The following ATP8A2 variants were observed in gnomAD, a reference collection of about 807,000 sequenced individuals.
ATP8A2 encodes the protein ATPase phospholipid transporting 8A2.
ATP8A2 carries 100 observed loss-of-function variants against 165.6 expected under a neutral mutation model. That is an observed-to-expected ratio of 0.60 (90% CI 0.51 to 0.71). The LOEUF is 0.71. ATP8A2 is among the 30% of genes least tolerant of loss of function. ATP8A2 has a pLI of 0.00. For missense variants in ATP8A2, 1,227 were observed against 1,479.5 expected, an observed-to-expected ratio of 0.83 and a Z score of 2.80; for synonymous variants, 543 against 548.8, an observed-to-expected ratio of 0.99 and a Z score of 0.15.
At chr13:25,488,095 T>C (rs2036408666) in intron 2 of ATP8A2, among the ~76,000 whole-genome samples, 1 of 152,228 alleles carries the variant, frequency 6.6e-6, no homozygotes, top group African/African-American at 2.4e-5. Flanking sequence ...TGGCCGTGGA[T>C]ATCGTATATC....
chr13:25,613,405 C>G (rs2040740240), intron 24 of ATP8A2, among the ~76,000 whole-genome samples: 1 of 152,112 alleles, frequency 6.6e-6, no homozygotes, highest in Non-Finnish European at 1.5e-5. Flanking sequence ...GAAACCTCGT[C>G]TCTACTAAAA....
intron 27 of ATP8A2, among the ~76,000 whole-genome samples, chr13:25,823,246 A>G (rs771784387): frequency 6.6e-6 from 1 of 151,988 alleles, no homozygotes; most frequent in African/African-American, 2.4e-5. Flanking sequence ...TATATGTAGC[A>G]TATATTTTGG....
At chr13:25,799,592 C>T (rs776412002) in intron 27 of ATP8A2, among the ~76,000 whole-genome samples, 10 of 152,290 alleles carry the variant, frequency 6.6e-5, no homozygotes, top group East Asian at 1.9e-4. Flanking sequence ...AAGTCTTCCA[C>T]GTTGGAGGGC....
intron 1 of ATP8A2, among the ~76,000 whole-genome samples, chr13:25,419,224 G>A (rs1314785965): frequency 2.6e-5 from 4 of 152,106 alleles, no homozygotes; most frequent in African/African-American, 9.7e-5. Flanking sequence ...TTCTAGTCTT[G>A]GTCAGTGACT....
At chr13:25,593,308 AGT>A (rs2040143255) in intron 24 of ATP8A2, among the ~76,000 whole-genome samples, 2 of 152,082 alleles carry the variant, frequency 1.3e-5, no homozygotes, top group African/African-American at 4.8e-5. Context: ...CTCTCATATA[AGT>A]GTGAGGGGAT....
At chr13:25,861,159 G>A (rs995124470) in intron 32 of ATP8A2, among the ~76,000 whole-genome samples, 1 of 151,850 alleles carries the variant, frequency 6.6e-6, no homozygotes, top group Non-Finnish European at 1.5e-5. Flanking sequence ...AAATATAGAA[G>A]GACAAAAAAC....
chr13:25,641,834 C>T (rs1380913103), intron 24 of ATP8A2, among the ~76,000 whole-genome samples: 9 of 78,210 alleles, frequency 1.2e-4, no homozygotes, highest in South Asian at 1.2e-3. Context: ...GGAGGCGTCA[C>T]GCTACCTGAC....
At chr13:25,954,783 A>G (rs1354719990) in intron 33 of ATP8A2, among the ~76,000 whole-genome samples, 1 of 152,224 alleles carries the variant, frequency 6.6e-6, no homozygotes, top group Non-Finnish European at 1.5e-5. Flanking sequence ...AAACTAACAA[A>G]CAGAAAGGAA....
chr13:25,963,885 G>A (rs1437044153), intron 34 of ATP8A2, among the ~76,000 whole-genome samples: 7 of 152,168 alleles, frequency 4.6e-5, no homozygotes, highest in Admixed American at 2.6e-4. Context: ...TATAAAATTA[G>A]CACCATTTAC....
chr13:25,773,500 C>T (rs2044672177), intron 26 of ATP8A2, among the ~76,000 whole-genome samples: 3 of 152,128 alleles, frequency 2.0e-5, no homozygotes, highest in African/African-American at 7.2e-5. Context: ...GAGACCCCCT[C>T]CCCCAGTGAG....
intron 24 of ATP8A2, among the ~76,000 whole-genome samples, chr13:25,646,706 T>C (rs185529686): frequency 1.3e-5 from 2 of 152,042 alleles, no homozygotes; most frequent in African/African-American, 4.8e-5. Flanking sequence ...TCTGTCTTTT[T>C]ATTAGGGAAT....
At chr13:25,637,224 C>T (rs2041393836) in intron 24 of ATP8A2, among the ~76,000 whole-genome samples, 1 of 151,092 alleles carries the variant, frequency 6.6e-6, no homozygotes, top group Non-Finnish European at 1.5e-5. Flanking sequence ...AACTGAGGTA[C>T]TGGGTTCATC....
At chr13:25,392,921 A>G (rs1344698270) in intron 1 of ATP8A2, among the ~76,000 whole-genome samples, 1 of 151,376 alleles carries the variant, frequency 6.6e-6, no homozygotes, top group African/African-American at 2.4e-5. Context: ...ACAAAAAAAA[A>G]ACAAAAAAGA....
At position 25,621,390 on chromosome 13, in the gene ATP8A2, CTT is replaced by C. The variant is rs779900763; in HGVS notation, c.2211+31695_2211+31696del. Among the ~76,000 whole-genome samples, 3 of 152,080 alleles carry C rather than the reference CTT, an allele frequency of 2.0e-5. No homozygotes were observed. In the East Asian group the frequency reaches 5.8e-4, roughly 29 times the overall value. ...TCTGATTTAATCTTTTCATTTTTCT[CTT>C]TTTGTTTTTCTCAACCTTTTCTGCT... On this transcript the variant is annotated intron_variant, in intron 24 of 36. Coordinates refer to ENST00000381655, the MANE Select transcript of ATP8A2 (RefSeq NM_016529.6).
chr13:25,922,237 A>G (rs991607798), intron 33 of ATP8A2, among the ~76,000 whole-genome samples: 6 of 152,234 alleles, frequency 3.9e-5, no homozygotes, highest in Admixed American at 3.9e-4. Context: ...ATGCTTGTTA[A>G]GAGTTTTTCT....
intron 24 of ATP8A2, among the ~76,000 whole-genome samples, chr13:25,593,323 A>G (rs1310483033): frequency 6.6e-6 from 1 of 152,142 alleles, no homozygotes; most frequent in Non-Finnish European, 1.5e-5. Flanking sequence ...GAGGGGATCC[A>G]CACCTGGCCC....
At position 25,571,703 on chromosome 13, in the gene ATP8A2, T is replaced by C; in HGVS notation, c.1662+11T>C. The C allele has an allele frequency of 6.2e-7, 1 of 1,609,480 alleles. No homozygotes were observed. Among genetic ancestry groups the C allele is most frequent in the Non-Finnish European group, 8.5e-7 (1 of 1,175,730 alleles). ...GTCATCATAGAAGCGGTGAGTAACA[T>C]GCGTGTGCACATTTCAGATCACCTG... On this transcript the variant is annotated intron_variant, in intron 18 of 36. Transcript: ENST00000381655.
chr13:25,665,439 TA>T (rs1364350627), intron 24 of ATP8A2, among the ~76,000 whole-genome samples: 1 of 151,960 alleles, frequency 6.6e-6, no homozygotes, highest in Non-Finnish European at 1.5e-5. Context: ...AAATAAATAT[TA>T]AAAAAGAACA....
At chr13:25,439,962 A>G (rs2034887369) in intron 1 of ATP8A2, among the ~76,000 whole-genome samples, 1 of 152,158 alleles carries the variant, frequency 6.6e-6, no homozygotes, top group Non-Finnish European at 1.5e-5. Context: ...AGGTCACTGC[A>G]GGCTATGGAG....
Sources: gnomAD v4.1 joint callset for allele counts (sites outside exome capture counted in the v4.1 genomes callset) on GRCh38, gnomAD v4.1.1 for gene constraint, MANE v1.5 for transcripts, NCBI Gene and HGNC (gene_info 2026-07-23, HGNC 2026-07-21) for gene names.